Variants in RARB observed in about 807,000 individuals in gnomAD.
The protein encoded by RARB is HBV-activated protein.
In RARB, 17 loss-of-function variants were observed where a neutral mutation model predicts 51.9. That is an observed-to-expected ratio of 0.33 (90% CI 0.22 to 0.49). RARB has a LOEUF of 0.49. Among genes scored for constraint, RARB ranks in the 20% least tolerant of loss-of-function variants. RARB has a pLI of 0.99. For synonymous variants in RARB, 215 were observed against 195.4 expected, an observed-to-expected ratio of 1.10 and a Z score of -0.84; for missense variants, 369 against 550.8, an observed-to-expected ratio of 0.67 and a Z score of 3.30.
At chr3:24,931,792 G>A (rs1271293189) in intron 2 of RARB, among the ~76,000 whole-genome samples, 1 of 152,066 alleles carries the variant, frequency 6.6e-6, no homozygotes, top group Non-Finnish European at 1.5e-5. Flanking sequence ...GCAATACAGG[G>A]CAAACTTGCT....
intron 5 of RARB, among the ~76,000 whole-genome samples, chr3:25,406,178 A>G (rs1250658241): frequency 6.6e-6 from 1 of 152,214 alleles, no homozygotes; most frequent in Non-Finnish European, 1.5e-5. Flanking sequence ...CATTCAGGTC[A>G]TGGATATACA....
chr3:25,492,392 T>G (rs182356615), intron 2 of RARB, among the ~76,000 whole-genome samples: 1 of 152,350 alleles, frequency 6.6e-6, no homozygotes, highest in Admixed American at 6.5e-5. Flanking sequence ...CATGTTCCTC[T>G]AAAATAAAGA....
intron 3 of RARB, among the ~76,000 whole-genome samples, chr3:25,531,415 G>A (rs1370793060): frequency 6.8e-6 from 1 of 147,518 alleles, no homozygotes; most frequent in Non-Finnish European, 1.5e-5. Context: ...TAGATAGATA[G>A]ATAGATAGAA....
rs1292531557 is a variant in RARB, at chr3:25,501,231, G to A, written c.356G>A (p.Arg119Gln). 12 of 1,608,892 alleles carry A rather than the reference G, an allele frequency of 7.5e-6. No homozygotes were observed. The highest frequency in any genetic ancestry group is 1.6e-4 in the Middle Eastern group (1 of 6,074). The part of the protein sequence containing the change: ...IQKNMIYTCH[R>Q]DKNCVINKVT... ...AAGAATATGATTTACACTTGTCACC[G>A]AGATAAGAACTGTGTTATTAATAAA... Residue 119 changes from arginine (R) to glutamine (Q), a missense_variant, in exon 3 of 8, where the codon CGA becomes CAA. By Grantham distance (43) the Arg-to-Gln change is conservative. Around this residue, in one of 9 missense-constraint regions of RARB, gnomAD observed 26 missense variants for 28.8 expected, o/e 0.90. Coordinates refer to ENST00000330688, the MANE Select transcript of RARB (RefSeq NM_000965.5).
At chr3:25,179,092 G>T (rs1479524844) in intron 5 of RARB, among the ~76,000 whole-genome samples, 1 of 151,982 alleles carries the variant, frequency 6.6e-6, no homozygotes, top group African/African-American at 2.4e-5. Context: ...CACAAAATAG[G>T]GTATTTGCTT....
At chr3:24,862,119 C>A (rs1342416443) in intron 2 of RARB, among the ~76,000 whole-genome samples, 1 of 152,176 alleles carries the variant, frequency 6.6e-6, no homozygotes, top group South Asian at 2.1e-4. Flanking sequence ...CTGCTCTTCA[C>A]AACTTTACAC....
chr3:25,120,756 A>G (rs1699771456), intron 3 of RARB, among the ~76,000 whole-genome samples: 1 of 152,212 alleles, frequency 6.6e-6, no homozygotes, highest in Non-Finnish European at 1.5e-5. Context: ...CGGAGACTTC[A>G]TAAGCAATAT....
intron 3 of RARB, among the ~76,000 whole-genome samples, chr3:25,537,463 C>T (rs115798279): frequency 6.0e-4 from 91 of 152,296 alleles, no homozygotes; most frequent in African/African-American, 2.0e-3. Context: ...AGTCTACATT[C>T]GCAATACTAT....
chr3:25,163,383 T>C (rs1463120415), intron 4 of RARB, among the ~76,000 whole-genome samples: 1 of 151,598 alleles, frequency 6.6e-6, no homozygotes, highest in Non-Finnish European at 1.5e-5. Context: ...TGATTTCCTG[T>C]AGTTCCAGCT....
intron 2 of RARB, among the ~76,000 whole-genome samples, chr3:25,029,369 C>T (rs751274773): frequency 9.2e-5 from 14 of 152,304 alleles, no homozygotes; most frequent in Non-Finnish European, 1.8e-4. Context: ...AAGCAGGAGG[C>T]TCTACCATAA....
At chr3:24,970,456 T>C (rs1468153817) in intron 2 of RARB, among the ~76,000 whole-genome samples, 2 of 151,990 alleles carry the variant, frequency 1.3e-5, no homozygotes, top group Non-Finnish European at 2.9e-5. Context: ...TGTGTGTCTT[T>C]TATATTTGAA....
chr3:25,472,890 T>G (rs902602945), intron 2 of RARB, among the ~76,000 whole-genome samples: 8 of 152,170 alleles, frequency 5.3e-5, no homozygotes, highest in African/African-American at 1.9e-4. Context: ...AGAAAATCCC[T>G]TTGAAAAGCA....
intron 2 of RARB, among the ~76,000 whole-genome samples, chr3:24,958,260 T>G (rs11708924): frequency 0.053 from 2,350 of 44,466 alleles, 61 homozygotes; most frequent in African/African-American, 0.16. Context: ...CTCAGGTTTT[T>G]TTTTTTTTTT....
intron 5 of RARB, among the ~76,000 whole-genome samples, chr3:25,384,875 T>A (rs1416135332): frequency 6.6e-6 from 1 of 152,248 alleles, no homozygotes; most frequent in East Asian, 1.9e-4. Context: ...ATAAACTGTT[T>A]ACCCAATTAA....
intron 1 of RARB, among the ~76,000 whole-genome samples, chr3:24,852,327 C>G (rs555995303): frequency 3.5e-4 from 54 of 152,254 alleles, no homozygotes; most frequent in Admixed American, 9.8e-4. Context: ...GAGACTGTGG[C>G]TCCACACCGA....
chr3:25,079,360 C>G (rs1698944646), intron 3 of RARB, among the ~76,000 whole-genome samples: 1 of 152,150 alleles, frequency 6.6e-6, no homozygotes, highest in Admixed American at 6.5e-5. Flanking sequence ...AATGCTAATT[C>G]TTTTTCTTGC....
chr3:25,373,373 G>A (rs1706360866), intron 5 of RARB, among the ~76,000 whole-genome samples: 1 of 152,090 alleles, frequency 6.6e-6, no homozygotes, highest in Non-Finnish European at 1.5e-5. Flanking sequence ...AGGAAATGAA[G>A]AAGGAGAATG....
intron 4 of RARB, among the ~76,000 whole-genome samples, chr3:25,574,030 C>T (rs1039878924): frequency 6.6e-5 from 10 of 152,184 alleles, no homozygotes; most frequent in South Asian, 4.2e-4. Context: ...GACCCTCCGC[C>T]GCCATAAAAG....
chr3:25,335,618 C>G (rs1705040636), intron 5 of RARB, among the ~76,000 whole-genome samples: 1 of 152,212 alleles, frequency 6.6e-6, no homozygotes, highest in Non-Finnish European at 1.5e-5. Context: ...TTCACCCCAT[C>G]TTCTGGCTGT....
Sources: gnomAD v4.1 joint callset for allele counts (sites outside exome capture counted in the v4.1 genomes callset) on GRCh38, gnomAD v4.1.1 for gene constraint, gnomAD v4.1.1 regional missense constraint, MANE v1.5 for transcripts, NCBI Gene and HGNC (gene_info 2026-07-23, HGNC 2026-07-21) for gene names.